PLIN4: variants seen among roughly 807,000 people sequenced by gnomAD.
PLIN4 encodes perilipin-4.
Under a neutral mutation model 52.4 loss-of-function variants are expected in PLIN4, and 57 were observed. That is an observed-to-expected ratio of 1.09 (90% CI 0.88 to 1.36). The LOEUF (loss-of-function observed/expected upper bound fraction) is 1.36. Ranked by LOEUF, PLIN4 falls within the 40% of genes most tolerant of loss-of-function variation. The probability of loss-of-function intolerance (pLI) is 0.00; values close to 1 mark genes in which losing one functional copy is unlikely to be tolerated. For synonymous variants in PLIN4, 826 were observed against 785.4 expected, an observed-to-expected ratio of 1.05 and a Z score of -0.86; for missense variants, 1,757 against 1,770.3, an observed-to-expected ratio of 0.99 and a Z score of 0.13.
chr19:4,504,888 G>A lies in PLIN4; in HGVS notation c.3762C>T (p.Ala1254=), dbSNP rs1976044502. The A allele has an allele frequency of 1.2e-6, 2 of 1,607,846 alleles. No homozygotes were observed. The highest frequency in any genetic ancestry group is 1.7e-6 in the Non-Finnish European group (2 of 1,177,826). The change falls in exon 7 of 8, where the codon GCC becomes GCT. Residue 1254 remains alanine (A), a synonymous_variant. Coordinates refer to ENST00000301286, the MANE Select transcript of PLIN4 (RefSeq NM_001367868.2). ...CCTGGACAGCAGCGTCCTCCGCACT[G>A]GCACCTGAGCCCTGGTCCAGACGTG... is the stretch of plus-strand genomic sequence containing the variant. ...GQPRLDQGSG[A]SAEDAAVQEE... is the part of the protein sequence containing the mutation.
chr19:4,511,184 C>T lies in PLIN4; in HGVS notation c.2776G>A (p.Gly926Ser), dbSNP rs189821039. The T allele has an allele frequency of 5.2e-4, 834 of 1,612,250 alleles. 7 individuals carry two copies. In the African/African-American group the frequency reaches 8.4e-3, roughly 16 times the overall value. The change falls in exon 5 of 8, where the codon GGT (glycine) becomes AGT (serine). Residue 926 changes from glycine to serine, a missense_variant. This residue lies in a region of PLIN4 where 712 missense variants were observed against 637.1 expected (regional missense o/e 1.12). Coordinates refer to ENST00000301286, the MANE Select transcript of PLIN4 (RefSeq NM_001367868.2). The stretch of plus-strand genomic sequence containing the variant: ...CCACTGCAGACGGTGTCCTTGGTAC[C>T]GGTCAGGACAGTCTTGCTGGTGTCC... ...GVDTSKTVLT[G>S]TKDTVCSGVT...
intron 2 of PLIN4, 40 bp from the exon 3 acceptor site, chr19:4,517,738 G>A (rs1214772100): frequency 1.3e-6 from 2 of 1,551,134 alleles, no homozygotes; most frequent in Admixed American, 1.9e-5. Flanking sequence ...AGCAGGCCAA[G>A]CCTCGGCAGG....
In PLIN4 at chr19:4,502,993, C is replaced by T. The variant is rs1975970185; in HGVS notation, c.*1466G>A. 1 of 152,270 alleles carries T rather than the reference C, an allele frequency of 6.6e-6. No individual in the cohort carries two copies. Among genetic ancestry groups the T allele is most frequent in the Admixed American group, 6.5e-5 (1 of 15,278 alleles). 9.4% of individuals were successfully genotyped at this position (152,270 alleles called of 1,614,324 possible). On this transcript the variant is annotated 3_prime_UTR_variant, in exon 8 of 8. Transcript: ENST00000301286. ...TTCTGCAAATGGCTGTGTCTGGCATCCTAGCCTCCGATGGCCATGGGTGTC... is the reference window on the plus strand; with the variant it reads ...TTCTGCAAATGGCTGTGTCTGGCATTCTAGCCTCCGATGGCCATGGGTGTC...
chr19:4,518,225 G>C lies in PLIN4; in HGVS notation c.48C>G (p.Gly16=). 5 of 1,233,152 alleles carry C rather than the reference G, an allele frequency of 4.1e-6. No homozygotes were observed. Among genetic ancestry groups the C allele is most frequent in the Non-Finnish European group, 5.1e-6 (5 of 988,804 alleles). The allele number at this position is 1,233,152 out of a possible 1,614,324, so 76.4% of individuals were successfully genotyped here. A position where few individuals can be genotyped will look rare whatever the true frequency, so the allele number is the denominator to read the frequency against. ...CTGCCCCATTTCCCCTCTTTACCTT[G>C]CCCTTCGGTTTGGGGGGATCCCGTC... ...EGRRDPPKPK[G]KTLGSFFGSL... is the part of the protein sequence containing the mutation. The change falls in exon 2 of 8, where the codon GGC becomes GGG. Residue 16 remains glycine (G), a synonymous_variant. Transcript: ENST00000301286.
Position 4,511,107 on chromosome 19 carries a change from G to A in PLIN4, c.2853C>T (p.Asp951=). 1.9e-6 allele frequency: 3 copies of A among 1,610,880 alleles called. No homozygotes were observed. Among genetic ancestry groups the A allele is most frequent in the Non-Finnish European group, 2.5e-6 (3 of 1,177,900 alleles). ...VAKGTVQTGV[D]TAKTVLSGAK... ...CGCCACTCAGCACCGTCTTGGCTGT[G>A]TCCACACCTGTCTGGACGGTCCCTT... is the stretch of plus-strand genomic sequence containing the variant. The change falls in exon 5 of 8, where the codon GAC becomes GAT. Residue 951 remains aspartate (D), a synonymous_variant. Transcript: ENST00000301286.
intron 4 of PLIN4, among the ~76,000 whole-genome samples, chr19:4,514,803 T>C (rs935030893): frequency 6.6e-6 from 1 of 151,502 alleles, no homozygotes; most frequent in African/African-American, 2.4e-5. Flanking sequence ...ATCCCAGCAC[T>C]ATGGGTGGCT....
At position 4,504,762 on chromosome 19, in the gene PLIN4, G is replaced by A; in HGVS notation, c.3813C>T (p.Ser1271=). Residue 1271 remains serine, a synonymous_variant, in exon 8 of 8, where the codon TCC becomes TCT. Transcript: ENST00000301286. ...GCTGCCGGAGAAGGCCGCAGACCCTGGACAGAACCCCGGCATCCCGCTCCT... is the reference window on the plus strand; with the variant it reads ...GCTGCCGGAGAAGGCCGCAGACCCTAGACAGAACCCCGGCATCCCGCTCCT... ...VQEERDAGVL[S]RVCGLLRQLH... 6.2e-7 allele frequency: 1 copy of A among 1,600,136 alleles called. No homozygotes were observed. Among genetic ancestry groups the A allele is most frequent in the Non-Finnish European group, 8.5e-7 (1 of 1,172,794 alleles).
chr19:4,502,444 G>T lies in PLIN4; in HGVS notation c.*2015C>A. On this transcript the variant is annotated 3_prime_UTR_variant, in exon 8 of 8. Coordinates refer to ENST00000301286, the MANE Select transcript of PLIN4 (RefSeq NM_001367868.2). ...AAGAGGGACAAACCAGGGCATCTAAGCTGTGCTGCCTGCGCCCTGCCCCGC... is the reference window on the plus strand; with the variant it reads ...AAGAGGGACAAACCAGGGCATCTAATCTGTGCTGCCTGCGCCCTGCCCCGC... 1 of 327,662 alleles carries T rather than the reference G, an allele frequency of 3.1e-6. No homozygotes were observed. The allele number at this position is 327,662 out of a possible 1,614,324, so 20.3% of individuals were successfully genotyped here.
Position 4,510,888 on chromosome 19 carries a change from G to A in PLIN4, c.3072C>T (p.Thr1024=), listed in dbSNP as rs753091089. Residue 1024 remains threonine (T), a synonymous_variant, in exon 5 of 8, where the codon ACC becomes ACT. Coordinates refer to ENST00000301286, the MANE Select transcript of PLIN4 (RefSeq NM_001367868.2). ...CAGCGGACACTGCGTCTTTGGTTCC[G>A]GTCAGCACTGTCTTGGTGGTGTCCA... is the stretch of plus-strand genomic sequence containing the variant. ...GGLDTTKTVL[T]GTKDAVSAGL... 45 of 1,613,470 alleles carry A rather than the reference G, an allele frequency of 2.8e-5. No homozygotes were observed. Among genetic ancestry groups the A allele is most frequent in the South Asian group, 8.8e-5 (8 of 91,076 alleles).
In PLIN4 at chr19:4,503,688, G is replaced by C. The variant is rs1217566408; in HGVS notation, c.*771C>G. 1 of 152,824 alleles carries C rather than the reference G, an allele frequency of 6.5e-6. No homozygotes were observed. Among genetic ancestry groups the C allele is most frequent in the Non-Finnish European group, 1.5e-5 (1 of 68,564 alleles). The allele number at this position is 152,824 out of a possible 1,614,324, so 9.5% of individuals were successfully genotyped here. A position where few individuals can be genotyped will look rare whatever the true frequency, so the allele number is the denominator to read the frequency against. On this transcript the variant is annotated 3_prime_UTR_variant, in exon 8 of 8. Coordinates refer to ENST00000301286, the MANE Select transcript of PLIN4 (RefSeq NM_001367868.2). The stretch of plus-strand genomic sequence containing the variant: ...AGCCCCAGGTGCCTGGGGCAGGCCT[G>C]TGGTGGGCAGCTGGAGGCAGCAGCA...
At position 4,517,589 on chromosome 19, in the gene PLIN4, G is replaced by A. The variant is rs772846715; in HGVS notation, c.161C>T (p.Ala54Val). The A allele has an allele frequency of 2.0e-5, 33 of 1,610,522 alleles. No homozygotes were observed. The highest frequency in any genetic ancestry group is 1.8e-4 in the Middle Eastern group (1 of 5,648). Residue 54 changes from alanine to valine, a missense_variant, in exon 3 of 8, where the codon GCG becomes GTG. By Grantham distance (64) the Ala-to-Val change is moderately conservative. Around this residue, in one of 7 missense-constraint regions of PLIN4, gnomAD observed 332 missense variants for 310.8 expected, o/e 1.07. Coordinates refer to ENST00000301286, the MANE Select transcript of PLIN4 (RefSeq NM_001367868.2). The part of the protein sequence containing the change: ...RARPAADPTG[A>V]PAAEAAQPQA... ...TGGTTGGGCAGCCTCGGCAGCAGGC[G>A]CTCCTGTGGGGTCAGCGGCCGGCCG... is the stretch of plus-strand genomic sequence containing the variant.
Position 4,513,659 on chromosome 19 carries a change from T to TG in PLIN4, c.300dup (p.Arg101GlnfsTer18). 6.2e-7 allele frequency: 1 copy of TG among 1,602,878 alleles called. No homozygotes were observed. The highest frequency in any genetic ancestry group is 8.5e-7 in the Non-Finnish European group (1 of 1,174,578). Reference sequence around the variant, plus strand: ...CCGGAGGACACGGCATCCTTGGCCCTGGACATCTTGGAACACACCAGGTCT... The same window carrying TG: ...CCGGAGGACACGGCATCCTTGGCCCTGGGACATCTTGGAACACACCAGGTCT... On this transcript the variant is annotated frameshift_variant, in exon 5 of 8. Transcript: ENST00000301286. LOFTEE classifies it high-confidence loss of function.
chr19:4,517,867 C>T (rs1025220099), intron 2 of PLIN4, among the ~76,000 whole-genome samples, 169 bp from the exon 3 acceptor site: 2 of 152,208 alleles, frequency 1.3e-5, no homozygotes, highest in African/African-American at 4.8e-5. Flanking sequence ...GGGCAATGGG[C>T]AGACTCAGCC....
intron 4 of PLIN4, among the ~76,000 whole-genome samples, chr19:4,514,694 C>G (rs1424970608): frequency 1.3e-5 from 2 of 151,800 alleles, no homozygotes; most frequent in Non-Finnish European, 2.9e-5. Context: ...CGCCACTGCA[C>G]TCCAGCCTGG....
rs1976455379 is a variant in PLIN4, at chr19:4,512,794, AG to A, written c.1165del (p.Leu389TrpfsTer34). ...NLAKEAIQGG[L>X]DTTKSMVMGT... The stretch of plus-strand genomic sequence containing the variant: ...CATGACCATAGACTTGGTGGTATCC[AG>A]GCCCCCCTGGATGGCCTCTTTGGCC... On this transcript the variant is annotated frameshift_variant, in exon 5 of 8. Coordinates refer to ENST00000301286, the MANE Select transcript of PLIN4 (RefSeq NM_001367868.2). LOFTEE classifies it high-confidence loss of function. The A allele has an allele frequency of 1.3e-6, 2 of 1,564,296 alleles. 1 individual carries two copies. Among genetic ancestry groups the A allele is most frequent in the Non-Finnish European group, 1.7e-6 (2 of 1,161,634 alleles).
intron 2 of PLIN4, 61 bp downstream of exon 2, chr19:4,518,161 T>C (rs1407434781): frequency 8.2e-7 from 1 of 1,212,664 alleles, no homozygotes; most frequent in Non-Finnish European, 1.0e-6. Context: ...GGAGGTCACC[T>C]TCCCCGGCTC....
At chr19:4,513,935 A>G (rs1976516783) in intron 4 of PLIN4, among the ~76,000 whole-genome samples, 1 of 152,198 alleles carries the variant, frequency 6.6e-6, no homozygotes, top group South Asian at 2.1e-4. Context: ...TCATGAGCTC[A>G]CAGCGCCAGC....
In PLIN4 at chr19:4,502,382, AG is replaced by A; in HGVS notation, c.*2076del. On this transcript the variant is annotated 3_prime_UTR_variant, in exon 8 of 8. Transcript: ENST00000301286. Reference sequence around the variant, plus strand: ...AGCCCAACCCTGAAAGGCCAGTGGCAGGAGAGCTGGGCGGGAGCAAGCTCTT... The same window carrying A: ...AGCCCAACCCTGAAAGGCCAGTGGCAGAGAGCTGGGCGGGAGCAAGCTCTT... 2.8e-6 allele frequency: 1 copy of A among 355,986 alleles called. No homozygotes were observed. The highest frequency in any genetic ancestry group is 5.3e-6 in the Non-Finnish European group (1 of 189,742). 22.1% of individuals were successfully genotyped at this position (355,986 alleles called of 1,614,324 possible). A position where few individuals can be genotyped will look rare whatever the true frequency, so the allele number is the denominator to read the frequency against.
rs763582967 is a variant in PLIN4, at chr19:4,512,677, A to G, written c.1283T>C (p.Ile428Thr). Residue 428 changes from isoleucine to threonine, a missense_variant, in exon 5 of 8, where the codon ATC becomes ACC. Transcript: ENST00000301286. ...MQTGLNTTQN[I>T]ATGTKDTVCS... ...GACGGTGTCCTTTGTACCTGTTGCG[A>G]TATTTTGGGTTGTGTTCAGCCCAGT... The G allele has an allele frequency of 3.9e-6, 6 of 1,551,132 alleles. No homozygotes were observed. Among genetic ancestry groups the G allele is most frequent in the Middle Eastern group, 3.4e-4 (2 of 5,812 alleles).
Sources: allele counts gnomAD v4.1 joint callset (sites outside exome capture counted in the v4.1 genomes callset), GRCh38; gene constraint gnomAD v4.1.1; regional missense constraint gnomAD v4.1.1; transcripts MANE v1.5; gene names NCBI Gene and HGNC (gene_info 2026-07-23, HGNC 2026-07-21).